The following STRN3 variants were observed in gnomAD, a reference collection of about 807,000 sequenced individuals.
The protein encoded by STRN3 is striatin-3.
Under a neutral mutation model 95.6 loss-of-function variants are expected in STRN3, and 29 were observed. That is an observed-to-expected ratio of 0.30 (90% CI 0.23 to 0.41). The LOEUF is 0.41. STRN3 is among the 10% of genes least tolerant of loss of function. STRN3 has a pLI of 1.00. For synonymous variants in STRN3, 331 were observed against 357.6 expected, an observed-to-expected ratio of 0.93 and a Z score of 0.84; for missense variants, 890 against 972.1, an observed-to-expected ratio of 0.92 and a Z score of 1.12.
chr14:31,021,436 A>T (rs179733), intron 1 of STRN3, among the ~76,000 whole-genome samples: 59,907 of 152,042 alleles, frequency 0.39, 12,575 homozygotes, highest in Non-Finnish European at 0.47. Context: ...TGTTTTGAGA[A>T]TTAAATGAAT....
chr14:31,025,762 G>A, intron 1 of STRN3, 142 bp downstream of exon 1: 2 of 1,151,468 alleles, frequency 1.7e-6, no homozygotes, highest in Non-Finnish European at 2.4e-6. Flanking sequence ...GCCGTTGAGA[G>A]GACCATCACA....
intron 1 of STRN3, among the ~76,000 whole-genome samples, chr14:30,972,634 C>G (rs1880891090): frequency 6.6e-6 from 1 of 151,480 alleles, no homozygotes; most frequent in Non-Finnish European, 1.5e-5. Flanking sequence ...GACTCCATCT[C>G]TACAAAAAAT....
At chr14:30,994,696 T>A (rs1292750735) in intron 1 of STRN3, among the ~76,000 whole-genome samples, 1 of 152,250 alleles carries the variant, frequency 6.6e-6, no homozygotes, top group African/African-American at 2.4e-5. Flanking sequence ...TGAATTTAAA[T>A]CTCTGCTCAC....
intron 5 of STRN3, among the ~76,000 whole-genome samples, chr14:30,940,914 T>C (rs1478153146): frequency 6.6e-6 from 1 of 152,096 alleles, no homozygotes; most frequent in East Asian, 1.9e-4. Flanking sequence ...AAAATTCCTA[T>C]TTTGAAACCT....
rs564035038 is a variant in STRN3 at position 31,010,464 on chromosome 14, T to A, written c.282+15440A>T. ...CACTCCTGAAACTTATCAATTTTAA[T>A]AAAAGAAAATAATCTACTTTATAAT... On this transcript the variant is annotated intron_variant, in intron 1 of 17. Coordinates refer to ENST00000357479, the MANE Select transcript of STRN3 (RefSeq NM_001083893.2). 3.4e-5 allele frequency among the ~76,000 whole-genome samples: 5 copies of A among 147,712 alleles called. No individual in the cohort carries two copies. In the East Asian group the frequency reaches 1.0e-3, roughly 30 times the overall value.
intron 1 of STRN3, among the ~76,000 whole-genome samples, chr14:30,984,737 C>A (rs1379892708): frequency 6.6e-6 from 1 of 151,944 alleles, no homozygotes; most frequent in Non-Finnish European, 1.5e-5. Flanking sequence ...AAGATTGCAC[C>A]ACTGCACTCC....
In STRN3 at chr14:31,008,083, C is replaced by T. The variant is rs560696129; in HGVS notation, c.282+17821G>A. 1.1e-3 allele frequency among the ~76,000 whole-genome samples: 170 copies of T among 151,894 alleles called. 1 individual carries two copies. The highest frequency in any genetic ancestry group is 3.4e-3 in the Middle Eastern group (1 of 294). On this transcript the variant is annotated intron_variant, in intron 1 of 17. Coordinates refer to ENST00000357479, the MANE Select transcript of STRN3 (RefSeq NM_001083893.2). The stretch of plus-strand genomic sequence containing the variant: ...GCGGGTGCCTATAATCCCAGCTACT[C>T]GGGAGGCTGAGGCAGGAGAATCACT...
rs11156655 is a variant in STRN3 at position 31,016,421 on chromosome 14, C to T, written c.282+9483G>A. Among the ~76,000 whole-genome samples the T allele has an allele frequency of 4.6e-4, 70 of 152,192 alleles. 2 individuals are homozygous for T. The East Asian group carries it at 0.013, about 29-fold the overall frequency. On this transcript the variant is annotated intron_variant, in intron 1 of 17. Transcript: ENST00000357479. ...ACAAGGAGAAGCCTTAAATACACTG[C>T]TACTAAGTGAAAAGGCTACATATTA... is the stretch of plus-strand genomic sequence containing the variant.
chr14:30,939,094 G>A (rs1878966915), intron 5 of STRN3, among the ~76,000 whole-genome samples: 1 of 152,148 alleles, frequency 6.6e-6, no homozygotes. Flanking sequence ...GTGGCAAGGA[G>A]GTAATCAGGT....
intron 16 of STRN3, among the ~76,000 whole-genome samples, chr14:30,897,268 T>C (rs977846199): frequency 2.0e-5 from 3 of 152,062 alleles, no homozygotes; most frequent in African/African-American, 7.2e-5. Context: ...TGTGTAAAAA[T>C]ACACTCCAAA....
intron 9 of STRN3, among the ~76,000 whole-genome samples, chr14:30,916,952 G>A (rs1896755805): frequency 6.6e-6 from 1 of 152,106 alleles, no homozygotes; most frequent in Admixed American, 6.5e-5. Flanking sequence ...TTATACCAGT[G>A]GCAACATGGT....
chr14:30,898,523 A>G (rs1307191486), intron 16 of STRN3, among the ~76,000 whole-genome samples: 1 of 152,154 alleles, frequency 6.6e-6, no homozygotes, highest in Non-Finnish European at 1.5e-5. Context: ...GAGTCACAAA[A>G]ATCACTTCAA....
At chr14:30,951,469 C>T (rs915491822) in intron 3 of STRN3, among the ~76,000 whole-genome samples, 5 of 152,234 alleles carry the variant, frequency 3.3e-5, no homozygotes, top group East Asian at 3.9e-4. Context: ...TAGGCTCAAG[C>T]GATCCACCCA....
Position 30,901,095 on chromosome 14 carries a change from CATT to C in STRN3, c.2137+1438_2137+1440del, listed in dbSNP as rs149637951. On this transcript the variant is annotated intron_variant, in intron 16 of 17. Transcript: ENST00000357479. Reference sequence around the variant, plus strand: ...TCTTTGCTCTTGCAGCAGAGAAAAACATTATCGGTTTCATAAAAATAGTTCAAA... The same window carrying C: ...TCTTTGCTCTTGCAGCAGAGAAAAACATCGGTTTCATAAAAATAGTTCAAA... 5.8e-3 allele frequency among the ~76,000 whole-genome samples: 889 copies of C among 152,130 alleles called. 7 individuals are homozygous for C. Among genetic ancestry groups the C allele is most frequent in the East Asian group, 0.032 (166 of 5,188 alleles).
intron 1 of STRN3, among the ~76,000 whole-genome samples, chr14:30,993,567 GA>G (rs1433017913): frequency 6.6e-6 from 1 of 152,096 alleles, no homozygotes; most frequent in Non-Finnish European, 1.5e-5. Context: ...TATGGCATCA[GA>G]TGCTTTATTC....
At chr14:30,941,248 G>A (rs2139092282) in intron 5 of STRN3, among the ~76,000 whole-genome samples, 1 of 152,296 alleles carries the variant, frequency 6.6e-6, no homozygotes, top group East Asian at 1.9e-4. Context: ...GCTATCTCTT[G>A]TCAAGCTGCT....
intron 1 of STRN3, among the ~76,000 whole-genome samples, chr14:30,998,318 T>A (rs1174867663): frequency 6.6e-6 from 1 of 152,148 alleles, no homozygotes; most frequent in South Asian, 2.1e-4. Flanking sequence ...AGGTATAAGA[T>A]AATATTTGAG....
chr14:30,941,480 C>T (rs756934114), intron 5 of STRN3, among the ~76,000 whole-genome samples: 1 of 152,162 alleles, frequency 6.6e-6, no homozygotes, highest in Non-Finnish European at 1.5e-5. Context: ...TCATTTTATA[C>T]AATAACCCCA....
chr14:30,923,828 A>G (rs764118976), intron 8 of STRN3, among the ~76,000 whole-genome samples: 41 of 152,160 alleles, frequency 2.7e-4, no homozygotes, highest in Non-Finnish European at 5.3e-4. Context: ...GTCTTAAAAG[A>G]TTTTTAGCTG....
Sources: gnomAD v4.1 joint callset for allele counts (sites outside exome capture counted in the v4.1 genomes callset) on GRCh38, gnomAD v4.1.1 for gene constraint, MANE v1.5 for transcripts, NCBI Gene and HGNC (gene_info 2026-07-23, HGNC 2026-07-21) for gene names.